CRYL1: variants seen among roughly 807,000 people sequenced by gnomAD.
CRYL1 encodes lambda-crystallin homolog.
A neutral mutation model predicts 36.6 loss-of-function variants in CRYL1; 29 were observed. The ratio of observed to expected loss-of-function variants is 0.79; its 90% CI spans 0.59 to 1.08. The LOEUF (loss-of-function observed/expected upper bound fraction) is 1.08. Among genes scored for constraint, CRYL1 ranks in the 50% least tolerant of loss-of-function variants. The pLI is 0.00. For synonymous variants in CRYL1, 152 were observed against 151.5 expected, an observed-to-expected ratio of 1.00 and a Z score of -0.02; for missense variants, 411 against 407.9, an observed-to-expected ratio of 1.01 and a Z score of -0.06.
chr13:20,511,931 T>TTAA (rs1165567490), intron 2 of CRYL1, among the ~76,000 whole-genome samples: 1 of 152,174 alleles, frequency 6.6e-6, no homozygotes, highest in Non-Finnish European at 1.5e-5. Context: ...GCTGTCACAG[T>TTAA]TAATAATAAC....
At chr13:20,434,604 C>A (rs1347494486) in intron 4 of CRYL1, among the ~76,000 whole-genome samples, 1 of 138,250 alleles carries the variant, frequency 7.2e-6, no homozygotes, top group African/African-American at 2.7e-5. Flanking sequence ...CACCCACACG[C>A]GCCCCCCCAC....
intron 3 of CRYL1, among the ~76,000 whole-genome samples, chr13:20,452,770 T>C (rs371739526): frequency 1.3e-5 from 2 of 152,088 alleles, no homozygotes; most frequent in Non-Finnish European, 1.5e-5. Context: ...CTGGTGGGAG[T>C]TGCTGATAAT....
intron 3 of CRYL1, among the ~76,000 whole-genome samples, chr13:20,487,693 C>T (rs774254367): frequency 1.8e-4 from 28 of 152,074 alleles, no homozygotes; most frequent in Non-Finnish European, 3.7e-4. Flanking sequence ...GCTCAAGAAT[C>T]GCTTGAACCC....
chr13:20,471,720 G>A (rs1007554692), intron 3 of CRYL1, among the ~76,000 whole-genome samples: 12 of 152,048 alleles, frequency 7.9e-5, no homozygotes, highest in Admixed American at 2.0e-4. Flanking sequence ...GTCATCCCCC[G>A]GGATCCATCA....
At chr13:20,514,490 C>T (rs1032569001) in intron 1 of CRYL1, among the ~76,000 whole-genome samples, 2 of 152,054 alleles carry the variant, frequency 1.3e-5, no homozygotes, top group Non-Finnish European at 2.9e-5. Context: ...GGAAAGTCTG[C>T]GTAACTGTCA....
intron 1 of CRYL1, among the ~76,000 whole-genome samples, chr13:20,513,285 C>G (rs1335155364): frequency 6.6e-6 from 1 of 152,006 alleles, no homozygotes. Flanking sequence ...ACACAAGACC[C>G]GTTAGTGAAC....
intron 5 of CRYL1, chr13:20,431,153 A>G: frequency 1.0e-6 from 1 of 985,414 alleles, no homozygotes; most frequent in Non-Finnish European, 1.2e-6. Flanking sequence ...CTGGTTTGGA[A>G]GAACTGCTGG....
At chr13:20,509,938 A>G (rs2033884078) in intron 2 of CRYL1, among the ~76,000 whole-genome samples, 1 of 152,186 alleles carries the variant, frequency 6.6e-6, no homozygotes, top group Non-Finnish European at 1.5e-5. Context: ...AAAACAAAAC[A>G]AGAAACAAAA....
intron 3 of CRYL1, among the ~76,000 whole-genome samples, chr13:20,464,460 T>G (rs7321440): frequency 0.96 from 146,243 of 152,292 alleles, 70,480 homozygotes; most frequent in East Asian, 1. Flanking sequence ...ACTGTTATTT[T>G]CTGATTGTTA....
At position 20,525,355 on chromosome 13, in the gene CRYL1, G is replaced by A. The variant is rs1367928010; in HGVS notation, c.41+399C>T. Among the ~76,000 whole-genome samples, 1 of 152,238 alleles carries A rather than the reference G, an allele frequency of 6.6e-6. No homozygotes were observed. The highest frequency in any genetic ancestry group is 2.4e-5 in the African/African-American group (1 of 41,466). ...ATTCTCATTCGTAAAATGGGGATGA[G>A]AACACAGTCGTCGCAGGATCGCAGC... On this transcript the variant is annotated intron_variant, in intron 1 of 7. Transcript: ENST00000298248. The surrounding 1 kb of genome is among the most constrained non-coding windows in gnomAD (Gnocchi z 4.3).
chr13:20,489,450 G>A lies in CRYL1; in HGVS notation c.196C>T (p.Leu66=). The change falls in exon 3 of 8, where the codon CTG becomes TTG. Residue 66 remains leucine (L), a synonymous_variant. Transcript: ENST00000298248. The part of the protein sequence containing the change: ...LEQAGSLKGS[L]SVEEQLSLIS... ...AGTGACAGCTGCTCTTCCACACTCA[G>A]GGAGCCTTTCAGAGAACCTGCCTGC... The A allele has an allele frequency of 6.2e-7, 1 of 1,613,568 alleles. No homozygotes were observed.
At chr13:20,474,114 A>G (rs908180617) in intron 3 of CRYL1, among the ~76,000 whole-genome samples, 5 of 152,218 alleles carry the variant, frequency 3.3e-5, no homozygotes, top group African/African-American at 1.2e-4. Flanking sequence ...CCTGAATTCC[A>G]CAGAGAGCAG....
At chr13:20,473,732 C>A (rs1593469741) in intron 3 of CRYL1, among the ~76,000 whole-genome samples, 3 of 152,188 alleles carry the variant, frequency 2.0e-5, no homozygotes, top group African/African-American at 7.2e-5. Flanking sequence ...TACATCCCAC[C>A]CAGAGCAAAA....
chr13:20,425,211 C>T lies in CRYL1; in HGVS notation c.633+6891G>A, dbSNP rs1019255638. Reference sequence around the variant, plus strand: ...ACCCCGTCTCCTGTTGGCGGTGGCTCCGCACAGGCTTCCTCTTGTCAAGCT... The same window carrying T: ...ACCCCGTCTCCTGTTGGCGGTGGCTTCGCACAGGCTTCCTCTTGTCAAGCT... On this transcript the variant is annotated intron_variant, in intron 5 of 7. Transcript: ENST00000298248. This position sits in a 1 kb window ranked among gnomAD's most constrained non-coding sequence, Gnocchi z 4.4. Among the ~76,000 whole-genome samples the T allele has an allele frequency of 6.6e-6, 1 of 152,246 alleles. No homozygotes were observed. Among genetic ancestry groups the T allele is most frequent in the South Asian group, 2.1e-4 (1 of 4,834 alleles).
At chr13:20,507,739 A>T (rs573903658) in intron 2 of CRYL1, among the ~76,000 whole-genome samples, 1 of 152,006 alleles carries the variant, frequency 6.6e-6, no homozygotes, top group Non-Finnish European at 1.5e-5. Flanking sequence ...TAACACAGTG[A>T]AACCCCGTCT....
At chr13:20,421,074 AAAT>A (rs2031800066) in intron 5 of CRYL1, among the ~76,000 whole-genome samples, 2 of 151,702 alleles carry the variant, frequency 1.3e-5, no homozygotes, top group African/African-American at 4.8e-5. Flanking sequence ...ACAAAAAAAA[AAAT>A]GGAAAGGAAA....
intron 3 of CRYL1, among the ~76,000 whole-genome samples, chr13:20,460,076 A>G (rs1477628410): frequency 6.6e-6 from 1 of 152,104 alleles, no homozygotes; most frequent in Non-Finnish European, 1.5e-5. Flanking sequence ...TTGTTCAGCA[A>G]TTTGCCCCTC....
chr13:20,524,294 A>G (rs932039358), intron 1 of CRYL1, among the ~76,000 whole-genome samples: 2 of 150,764 alleles, frequency 1.3e-5, no homozygotes, highest in Non-Finnish European at 2.9e-5. Context: ...TATATGTGTG[A>G]GTGTATATAT....
Position 20,482,645 on chromosome 13 carries a change from G to A in CRYL1, c.276+6725C>T, listed in dbSNP as rs544388820. 4.6e-5 allele frequency among the ~76,000 whole-genome samples: 7 copies of A among 152,340 alleles called. No homozygotes were observed. In the East Asian group the frequency reaches 1.4e-3, roughly 29 times the overall value. On this transcript the variant is annotated intron_variant, in intron 3 of 7. Coordinates refer to ENST00000298248, the MANE Select transcript of CRYL1 (RefSeq NM_015974.3). ...GGTTGGGTAGAAAACAATCCACTGG[G>A]GAAAACCACACTCCCATTACTGGGC...
Sources: gnomAD v4.1 joint callset for allele counts (sites outside exome capture counted in the v4.1 genomes callset) on GRCh38, gnomAD v4.1.1 for gene constraint, Gnocchi (gnomAD v3.1) non-coding constraint, MANE v1.5 for transcripts, NCBI Gene and HGNC (gene_info 2026-07-23, HGNC 2026-07-21) for gene names.